SLC24A4: variants seen among roughly 807,000 people sequenced by gnomAD.
The protein encoded by SLC24A4 is solute carrier family 24 member 4, also known as sodium/potassium/calcium exchanger 4.
Under a neutral mutation model 79.0 loss-of-function variants are expected in SLC24A4, and 53 were observed. The ratio of observed to expected loss-of-function variants is 0.67; its 90% confidence interval spans 0.54 to 0.84. The LOEUF (loss-of-function observed/expected upper bound fraction) is 0.84, where lower values mean the gene tolerates loss of function less well. Among genes scored for constraint, SLC24A4 ranks in the 40% least tolerant of loss-of-function variants. The pLI is 0.00. For missense variants in SLC24A4, 731 were observed against 822.0 expected, an observed-to-expected ratio of 0.89 and a Z score of 1.35; for synonymous variants, 323 against 323.8, an observed-to-expected ratio of 1.00 and a Z score of 0.03.
chr14:92,324,982 G>C (rs1027060950), intron 1 of SLC24A4, among the ~76,000 whole-genome samples: 1 of 152,202 alleles, frequency 6.6e-6, no homozygotes, highest in African/African-American at 2.4e-5. Flanking sequence ...TGAGGATGCA[G>C]GGTTAAAAAG....
intron 12 of SLC24A4, among the ~76,000 whole-genome samples, chr14:92,471,891 G>T (rs543165241): frequency 1.1e-4 from 17 of 152,332 alleles, no homozygotes; most frequent in Admixed American, 6.5e-4. Flanking sequence ...CCAAAATCTG[G>T]AGAGACCAAT....
At chr14:92,445,184 C>A in intron 7 of SLC24A4, 133 bp from the exon 8 acceptor site, 1 of 981,322 alleles carries the variant, frequency 1.0e-6, no homozygotes, top group Non-Finnish European at 1.6e-6. Flanking sequence ...AGGTGAGCAG[C>A]TCAGAAATGG....
chr14:92,367,571 C>T (rs763376262), intron 2 of SLC24A4, among the ~76,000 whole-genome samples: 2 of 152,166 alleles, frequency 1.3e-5, no homozygotes, highest in Non-Finnish European at 2.9e-5. Context: ...GAAGGGGTAT[C>T]AAGAGGGAGG....
chr14:92,357,394 A>ATT, intron 2 of SLC24A4, among the ~76,000 whole-genome samples: 1 of 152,394 alleles, frequency 6.6e-6, no homozygotes, highest in East Asian at 1.9e-4. Context: ...TTGTACACCC[A>ATT]GGCACATGGC....
intron 8 of SLC24A4, among the ~76,000 whole-genome samples, chr14:92,446,421 A>G (rs189851565): frequency 2.6e-5 from 4 of 152,344 alleles, no homozygotes; most frequent in Non-Finnish European, 4.4e-5. Flanking sequence ...TGTCTGGATT[A>G]CAGGCTGTGT....
At chr14:92,378,900 T>A (rs1481080813) in intron 2 of SLC24A4, among the ~76,000 whole-genome samples, 1 of 151,690 alleles carries the variant, frequency 6.6e-6, no homozygotes, top group Non-Finnish European at 1.5e-5. Context: ...AAAACAAAAG[T>A]AAAAGTAAAA....
chr14:92,473,478 T>G (rs78357955), intron 12 of SLC24A4, among the ~76,000 whole-genome samples: 5,110 of 152,320 alleles, frequency 0.034, 124 homozygotes, highest in Non-Finnish European at 0.049. Context: ...TTGGCTAGCA[T>G]GGATTGAAAA....
At chr14:92,474,714 TATATATACACAC>T (rs1274047306) in intron 12 of SLC24A4, among the ~76,000 whole-genome samples, 13 of 7,824 alleles carry the variant, frequency 1.7e-3, no homozygotes, top group Non-Finnish European at 6.7e-3. Flanking sequence ...TGTGTGTATA[TATATATACACAC>T]ACGTATATAT....
intron 10 of SLC24A4, chr14:92,451,393 G>C (rs1430408084): frequency 6.6e-6 from 1 of 152,376 alleles, no homozygotes; most frequent in Non-Finnish European, 1.5e-5. Flanking sequence ...CCCTGGGTGG[G>C]ACTGGGGAGG....
intron 2 of SLC24A4, among the ~76,000 whole-genome samples, chr14:92,347,577 CTTGG>C (rs1886612053): frequency 6.6e-6 from 1 of 152,196 alleles, no homozygotes; most frequent in African/African-American, 2.4e-5. Flanking sequence ...AACATTGTTA[CTTGG>C]CTTTCAACCT....
intron 2 of SLC24A4, among the ~76,000 whole-genome samples, chr14:92,332,104 C>T (rs913296472): frequency 2.0e-5 from 3 of 151,762 alleles, no homozygotes; most frequent in Non-Finnish European, 2.9e-5. Context: ...CATGCTGAAA[C>T]CCCCCTCTCT....
intron 2 of SLC24A4, among the ~76,000 whole-genome samples, chr14:92,396,157 T>C (rs146358820): frequency 2.4e-4 from 36 of 152,366 alleles, no homozygotes; most frequent in East Asian, 1.3e-3. Flanking sequence ...CTTCTTGCCT[T>C]TCACTTATAA....
chr14:92,431,702 C>T (rs1038900601), intron 2 of SLC24A4, among the ~76,000 whole-genome samples: 2 of 152,196 alleles, frequency 1.3e-5, no homozygotes, highest in Non-Finnish European at 2.9e-5. Context: ...CCTCCATAGC[C>T]CCCCAGCATG....
chr14:92,417,047 T>G lies in SLC24A4; in HGVS notation c.242-16865T>G, dbSNP rs189468187. On this transcript the variant is annotated intron_variant, in intron 2 of 16. Transcript: ENST00000532405. ...CTGGAAATACATTAAGCCTGTCAGTTTCTTCTTTTCTACCTATAGTCTTTC... is the reference window on the plus strand; with the variant it reads ...CTGGAAATACATTAAGCCTGTCAGTGTCTTCTTTTCTACCTATAGTCTTTC... Among the ~76,000 whole-genome samples, 19 of 152,386 alleles carry G rather than the reference T, an allele frequency of 1.2e-4. No individual in the cohort carries two copies. In the East Asian group the frequency reaches 3.3e-3, roughly 26 times the overall value.
At chr14:92,485,254 A>C (rs1895285953) in intron 13 of SLC24A4, among the ~76,000 whole-genome samples, 1 of 152,190 alleles carries the variant, frequency 6.6e-6, no homozygotes, top group African/African-American at 2.4e-5. Flanking sequence ...ACTTGAGCCC[A>C]GGAGTTCAAG....
Position 92,491,891 on chromosome 14 carries a change from A to G in SLC24A4, c.1650+114A>G, listed in dbSNP as rs1260038242. 5 of 825,380 alleles carry G rather than the reference A, an allele frequency of 6.1e-6. No individual in the cohort carries two copies. The African/African-American group carries it at 8.5e-5, about 14-fold the overall frequency. The allele number at this position is 825,380 out of a possible 1,614,324, so 51.1% of individuals were successfully genotyped here. A position where few individuals can be genotyped will look rare whatever the true frequency, so the allele number is the denominator to read the frequency against. ...CTCCTCCTCTCCTTGGCACTCAGACACCCATTTTCCATGGCGGCTTCTAGA... is the reference window on the plus strand; with the variant it reads ...CTCCTCCTCTCCTTGGCACTCAGACGCCCATTTTCCATGGCGGCTTCTAGA... On this transcript the variant is annotated intron_variant, in intron 15 of 16. Transcript: ENST00000532405.
intron 2 of SLC24A4, among the ~76,000 whole-genome samples, chr14:92,356,127 G>A (rs557090508): frequency 1.3e-5 from 2 of 152,344 alleles, no homozygotes; most frequent in Non-Finnish European, 2.9e-5. Context: ...TAGACTTTGT[G>A]TAAGAGGATT....
chr14:92,489,308 G>T (rs924800616), intron 14 of SLC24A4, among the ~76,000 whole-genome samples: 1 of 152,074 alleles, frequency 6.6e-6, no homozygotes, highest in African/African-American at 2.4e-5. Flanking sequence ...GCGTGGTGGT[G>T]CACACCTGTA....
chr14:92,342,313 G>C (rs908557788), intron 2 of SLC24A4, among the ~76,000 whole-genome samples: 1 of 2,552 alleles, frequency 3.9e-4, no homozygotes, highest in Non-Finnish European at 0.024. Flanking sequence ...TGGGGCTGTG[G>C]GGGGGGGGTC....
Sources: gnomAD v4.1 joint callset for allele counts (sites outside exome capture counted in the v4.1 genomes callset) on GRCh38, gnomAD v4.1.1 for gene constraint, MANE v1.5 for transcripts, NCBI Gene and HGNC (gene_info 2026-07-23, HGNC 2026-07-21) for gene names.